SIK3: variants seen among roughly 807,000 people sequenced by gnomAD.
SIK3 encodes serine/threonine-protein kinase SIK3.
Under a neutral mutation model 144.2 loss-of-function variants are expected in SIK3, and 28 were observed. That is an observed-to-expected ratio of 0.19 (90% CI 0.14 to 0.27). The LOEUF (loss-of-function observed/expected upper bound fraction) is 0.27, where lower values mean the gene tolerates loss of function less well. SIK3 is among the 10% of genes least tolerant of loss of function. SIK3 has a pLI of 1.00. For synonymous variants in SIK3, 686 were observed against 676.3 expected, an observed-to-expected ratio of 1.01 and a Z score of -0.22; for missense variants, 1,319 against 1,776.0, an observed-to-expected ratio of 0.74 and a Z score of 4.62.
intron 1 of SIK3, among the ~76,000 whole-genome samples, chr11:116,995,458 T>C (rs1423949245): frequency 1.3e-5 from 2 of 151,890 alleles, no homozygotes; most frequent in African/African-American, 4.8e-5. Flanking sequence ...AGACAAGGTT[T>C]CACTATGTTG....
chr11:116,867,947 G>A lies in SIK3; in HGVS notation c.1951C>T (p.Arg651Cys), dbSNP rs553586297. 13 of 1,538,430 alleles carry A rather than the reference G, an allele frequency of 8.5e-6. No individual in the cohort carries two copies. The East Asian group carries it at 1.5e-4, about 17-fold the overall frequency. The part of the protein sequence containing the change: ...WPPHLVPDQH[R>C]STYKDSNTLH... ...CGCACAGCTCATGTGGCTACTCACC[G>A]ATGCTGATCAGGTACCAGGTGAGGA... The change falls in exon 15 of 25, where the codon CGC becomes TGC. Residue 651 changes from arginine to cysteine, a missense_variant and splice_region_variant. Arg to Cys is a radical substitution (Grantham distance 180). Around this residue, in one of 8 missense-constraint regions of SIK3, gnomAD observed 47 missense variants for 40.2 expected, o/e 1.17. Transcript: ENST00000445177. This position sits in a 1 kb window ranked among gnomAD's most constrained non-coding sequence, Gnocchi z 4.1.
intron 6 of SIK3, among the ~76,000 whole-genome samples, chr11:116,893,225 A>G (rs1945221848): frequency 6.6e-6 from 1 of 152,210 alleles, no homozygotes. Context: ...TAATGTGTCA[A>G]TGCATGTTCA....
chr11:117,013,911 G>GTGTGTGTGTGTGTGTAT (rs1565556646), intron 1 of SIK3, among the ~76,000 whole-genome samples: 2 of 28,444 alleles, frequency 7.0e-5, no homozygotes, highest in African/African-American at 1.6e-4. Flanking sequence ...GGGGGGGGGG[G>GTGTGTGTGTGTGTGTAT]GAGGGTGTGT....
intron 15 of SIK3, among the ~76,000 whole-genome samples, chr11:116,866,591 AC>A (rs1943657414): frequency 6.6e-6 from 1 of 152,022 alleles, no homozygotes; most frequent in Admixed American, 6.5e-5. Context: ...ACAGACGCCC[AC>A]CGCCACACCC....
chr11:116,977,787 T>A (rs558720945), intron 1 of SIK3, among the ~76,000 whole-genome samples: 1 of 152,354 alleles, frequency 6.6e-6, no homozygotes, highest in Non-Finnish European at 1.5e-5. Flanking sequence ...AGCTTGTGGA[T>A]GAATTCTCCT....
intron 1 of SIK3, among the ~76,000 whole-genome samples, chr11:117,065,130 C>T (rs892315474): frequency 1.3e-5 from 2 of 151,416 alleles, no homozygotes; most frequent in African/African-American, 2.4e-5. Flanking sequence ...GCCTGGGTGA[C>T]ACAGGGAGAC....
At chr11:116,973,059 A>G (rs1017515975) in intron 1 of SIK3, among the ~76,000 whole-genome samples, 3 of 152,112 alleles carry the variant, frequency 2.0e-5, no homozygotes, top group Non-Finnish European at 4.4e-5. Flanking sequence ...TACCTGAACG[A>G]TCTCGTAAGT....
intron 6 of SIK3, among the ~76,000 whole-genome samples, chr11:116,889,600 T>C (rs563305240): frequency 3.3e-5 from 5 of 152,140 alleles, no homozygotes; most frequent in Middle Eastern, 3.4e-3. Flanking sequence ...TGAAATATTT[T>C]TAAAAAATAT....
At chr11:117,078,625 A>T (rs997199868) in intron 1 of SIK3, among the ~76,000 whole-genome samples, 18 of 151,232 alleles carry the variant, frequency 1.2e-4, no homozygotes, top group African/African-American at 4.4e-4. Context: ...CTGGTCTCAA[A>T]CTCCTGACCT....
At chr11:116,981,206 A>G (rs1016381695) in intron 1 of SIK3, among the ~76,000 whole-genome samples, 3 of 152,228 alleles carry the variant, frequency 2.0e-5, no homozygotes, top group African/African-American at 7.2e-5. Context: ...TCTGCTCCAC[A>G]TGGCATCACC....
chr11:116,847,972 G>A (rs1292311706), intron 22 of SIK3, among the ~76,000 whole-genome samples: 1 of 152,190 alleles, frequency 6.6e-6, no homozygotes, highest in Middle Eastern at 3.2e-3. Context: ...AATGTTCTCT[G>A]TCCTGTCCAA....
At chr11:117,038,085 C>G (rs148074495) in intron 1 of SIK3, among the ~76,000 whole-genome samples, 1 of 152,296 alleles carries the variant, frequency 6.6e-6, no homozygotes, top group East Asian at 1.9e-4. Context: ...ATCATTTGCA[C>G]TAGATAAGTG....
chr11:117,001,835 T>A (rs1950863453), intron 1 of SIK3, among the ~76,000 whole-genome samples: 1 of 152,190 alleles, frequency 6.6e-6, no homozygotes, highest in South Asian at 2.1e-4. Flanking sequence ...ATACTCTCCC[T>A]ACCTTCAGTC....
At chr11:116,874,090 TA>T in intron 11 of SIK3, 34 bp from the exon 12 acceptor site, 2 of 1,610,490 alleles carry the variant, frequency 1.2e-6, no homozygotes, top group Non-Finnish European at 1.7e-6. Context: ...GAAGTTTAGT[TA>T]ACATTCTTAC....
At chr11:117,031,112 G>A (rs1356506307) in intron 1 of SIK3, among the ~76,000 whole-genome samples, 1 of 152,074 alleles carries the variant, frequency 6.6e-6, no homozygotes, top group Non-Finnish European at 1.5e-5. Context: ...TGCCTTTTCA[G>A]CCTTTTAACA....
At chr11:116,905,588 A>G (rs1477259836) in intron 4 of SIK3, among the ~76,000 whole-genome samples, 2 of 152,184 alleles carry the variant, frequency 1.3e-5, no homozygotes, top group Non-Finnish European at 2.9e-5. Context: ...AAGGATTCCA[A>G]TTTCTCCACA....
At chr11:117,014,575 A>AT (rs1232261642) in intron 1 of SIK3, among the ~76,000 whole-genome samples, 1 of 149,586 alleles carries the variant, frequency 6.7e-6, no homozygotes, top group African/African-American at 2.5e-5. Flanking sequence ...AACAAGTACA[A>AT]TAAAAAAAAG....
chr11:117,028,155 T>C (rs965972265), intron 1 of SIK3, among the ~76,000 whole-genome samples: 1 of 152,188 alleles, frequency 6.6e-6, no homozygotes, highest in East Asian at 1.9e-4. Flanking sequence ...GGAAACAACC[T>C]GCTTAAAATT....
At chr11:117,002,297 ATTT>A (rs778612214) in intron 1 of SIK3, among the ~76,000 whole-genome samples, 1 of 147,006 alleles carries the variant, frequency 6.8e-6, no homozygotes, top group African/African-American at 2.5e-5. Context: ...CTTTTTTGCA[ATTT>A]TTTTTTTTTA....
Sources: allele counts gnomAD v4.1 joint callset (sites outside exome capture counted in the v4.1 genomes callset), GRCh38; gene constraint gnomAD v4.1.1; regional missense constraint gnomAD v4.1.1; non-coding constraint Gnocchi (gnomAD v3.1); transcripts MANE v1.5; gene names NCBI Gene and HGNC (gene_info 2026-07-23, HGNC 2026-07-21).